The following POPDC3 variants were observed in gnomAD, a reference collection of about 807,000 sequenced individuals.
The protein encoded by POPDC3 is popeye domain-containing protein 3.
A neutral mutation model predicts 28.2 loss-of-function variants in POPDC3; 20 were observed. The ratio of observed to expected loss-of-function variants is 0.71; its 90% CI spans 0.50 to 1.03. The LOEUF (loss-of-function observed/expected upper bound fraction) is 1.03. POPDC3 is among the 50% of genes least tolerant of loss of function. The pLI is 0.00. For synonymous variants in POPDC3, 118 were observed against 124.1 expected, an observed-to-expected ratio of 0.95 and a Z score of 0.33; for missense variants, 316 against 345.9, an observed-to-expected ratio of 0.91 and a Z score of 0.69.
Position 105,158,006 on chromosome 6 carries a change from C to T in POPDC3, c.*464G>A, listed in dbSNP as rs1032243627. 1.7e-5 allele frequency among the ~76,000 whole-genome samples: 1 copy of T among 59,770 alleles called. No individual in the cohort carries two copies. Among genetic ancestry groups the T allele is most frequent in the Admixed American group, 2.5e-4 (1 of 4,064 alleles). The allele number at this position is 59,770 out of a possible 152,430, so 39.2% of individuals were successfully genotyped here. A position where few individuals can be genotyped will look rare whatever the true frequency, so the allele number is the denominator to read the frequency against. On this transcript the variant is annotated 3_prime_UTR_variant, in exon 4 of 4. Transcript: ENST00000254765. ...TTTTTAGTCGCATCAAGTAACTGCA[C>T]ATTTAAAATAAATAATTGCTTTCAC... is the stretch of plus-strand genomic sequence containing the variant.
At chr6:105,159,628 CTGT>C (rs1774274823) in intron 3 of POPDC3, 80 bp downstream of exon 3, 2 of 765,332 alleles carry the variant, frequency 2.6e-6, no homozygotes, top group Non-Finnish European at 2.2e-6. Flanking sequence ...GTCTTATCCA[CTGT>C]TGTTTATTTG....
intron 1 of POPDC3, among the ~76,000 whole-genome samples, chr6:105,165,054 C>A (rs1028045974): frequency 3.9e-5 from 6 of 152,220 alleles, no homozygotes; most frequent in Admixed American, 6.5e-5. Flanking sequence ...GTCCAGCTTA[C>A]AAATGAGAAA....
chr6:105,177,764 C>T (rs1774708495), intron 1 of POPDC3, among the ~76,000 whole-genome samples: 1 of 152,156 alleles, frequency 6.6e-6, no homozygotes, highest in African/African-American at 2.4e-5. Context: ...CTTCATGATC[C>T]CATCCTAGCC....
Position 105,162,070 on chromosome 6 carries a change from G to A in POPDC3, c.-161C>T, listed in dbSNP as rs184082157. ...TGCTGATTAAAGGCTTCGTGTGTAC[G>A]GATCTTGAAAAACTAAGAATCCCAT... On this transcript the variant is annotated 5_prime_UTR_variant, in exon 2 of 4. Coordinates refer to ENST00000254765, the MANE Select transcript of POPDC3 (RefSeq NM_022361.5). 18 of 1,378,422 alleles carry A rather than the reference G, an allele frequency of 1.3e-5. No homozygotes were observed. In the African/African-American group the frequency reaches 1.8e-4, roughly 13 times the overall value. 85.4% of individuals were successfully genotyped at this position (1,378,422 alleles called of 1,614,324 possible). A position where few individuals can be genotyped will look rare whatever the true frequency, so the allele number is the denominator to read the frequency against.
chr6:105,167,575 C>T (rs1168148280), intron 1 of POPDC3, among the ~76,000 whole-genome samples: 3 of 151,778 alleles, frequency 2.0e-5, no homozygotes, highest in Admixed American at 6.6e-5. Context: ...GGTGAGACCC[C>T]GTCTCTACTA....
intron 1 of POPDC3, chr6:105,166,838 T>G: frequency 3.2e-6 from 1 of 314,116 alleles, no homozygotes; most frequent in Non-Finnish European, 6.5e-6. Flanking sequence ...GGTTACATAT[T>G]CAAGCATTTA....
chr6:105,163,720 T>G (rs1184450954), intron 1 of POPDC3: 1 of 152,176 alleles, frequency 6.6e-6, no homozygotes, highest in East Asian at 1.9e-4. Flanking sequence ...ATTTTTCATC[T>G]TGGATAGTGA....
intron 1 of POPDC3, among the ~76,000 whole-genome samples, chr6:105,175,921 G>A (rs144261726): frequency 7.0e-4 from 106 of 152,196 alleles, no homozygotes; most frequent in African/African-American, 2.5e-3. Flanking sequence ...AGAGTGCCCA[G>A]TGCTCCATCC....
chr6:105,161,980 G>C lies in POPDC3; in HGVS notation c.-71C>G. 1 of 1,522,324 alleles carries C rather than the reference G, an allele frequency of 6.6e-7. No individual in the cohort carries two copies. The highest frequency in any genetic ancestry group is 2.3e-5 in the East Asian group (1 of 44,234). 94.3% of individuals were successfully genotyped at this position (1,522,324 alleles called of 1,614,324 possible). A position where few individuals can be genotyped will look rare whatever the true frequency, so the allele number is the denominator to read the frequency against. ...ACTGAAACAGGTAACTAAGTCCTTT[G>C]GTTCTCCATCATGAGAGTTTTGTGC... is the stretch of plus-strand genomic sequence containing the variant. On this transcript the variant is annotated 5_prime_UTR_variant, in exon 2 of 4. Coordinates refer to ENST00000254765, the MANE Select transcript of POPDC3 (RefSeq NM_022361.5).
At chr6:105,177,848 G>A (rs1562158928) in intron 1 of POPDC3, among the ~76,000 whole-genome samples, 1 of 152,208 alleles carries the variant, frequency 6.6e-6, no homozygotes. Flanking sequence ...CTCGCTAAAA[G>A]TCTGTGTGAA....
intron 1 of POPDC3, among the ~76,000 whole-genome samples, chr6:105,171,298 T>C (rs991016207): frequency 9.2e-5 from 14 of 152,226 alleles, no homozygotes; most frequent in African/African-American, 3.4e-4. Flanking sequence ...ATGCTTACTT[T>C]CAAAACATGC....
At chr6:105,176,503 C>G (rs1774684793) in intron 1 of POPDC3, among the ~76,000 whole-genome samples, 1 of 152,170 alleles carries the variant, frequency 6.6e-6, no homozygotes, top group Admixed American at 6.5e-5. Context: ...CTAATGGCCT[C>G]CTGCTTATTT....
intron 1 of POPDC3, among the ~76,000 whole-genome samples, chr6:105,164,725 G>C (rs920613690): frequency 2.0e-5 from 3 of 152,228 alleles, no homozygotes; most frequent in Non-Finnish European, 2.9e-5. Context: ...ACATGCCAAA[G>C]TGGCACAATG....
chr6:105,167,572 C>A (rs553076268), intron 1 of POPDC3, among the ~76,000 whole-genome samples: 1 of 151,986 alleles, frequency 6.6e-6, no homozygotes, highest in Non-Finnish European at 1.5e-5. Flanking sequence ...CATGGTGAGA[C>A]CCCGTCTCTA....
At chr6:105,171,687 A>AATT (rs978226448) in intron 1 of POPDC3, among the ~76,000 whole-genome samples, 2 of 148,128 alleles carry the variant, frequency 1.4e-5, no homozygotes, top group East Asian at 1.9e-4. Context: ...TAATAATAAT[A>AATT]ATTATTATTA....
Position 105,158,650 on chromosome 6 carries a change from T to G in POPDC3, c.696A>C (p.Ser232=). Reference sequence around the variant, plus strand: ...CTGCAATGTCACTGCCAATTAGCACTGAAAAAAGGCGGGAGATGTAGCGAT... The same window carrying G: ...CTGCAATGTCACTGCCAATTAGCACGGAAAAAAGGCGGGAGATGTAGCGAT... The part of the protein sequence containing the change: ...AQHRYISRLF[S]VLIGSDIADK... The change falls in exon 4 of 4, where the codon TCA becomes TCC. Residue 232 remains serine, a synonymous_variant. Coordinates refer to ENST00000254765, the MANE Select transcript of POPDC3 (RefSeq NM_022361.5). 1 of 1,614,094 alleles carries G rather than the reference T, an allele frequency of 6.2e-7. No homozygotes were observed. Among genetic ancestry groups the G allele is most frequent in the Non-Finnish European group, 8.5e-7 (1 of 1,179,990 alleles).
At chr6:105,164,332 T>C (rs1019615570) in intron 1 of POPDC3, among the ~76,000 whole-genome samples, 12 of 152,234 alleles carry the variant, frequency 7.9e-5, no homozygotes, top group South Asian at 2.1e-4. Context: ...GTAGGATATA[T>C]TGGGGCTTCT....
At chr6:105,166,339 G>A (rs1774454702) in intron 1 of POPDC3, among the ~76,000 whole-genome samples, 1 of 152,056 alleles carries the variant, frequency 6.6e-6, no homozygotes, top group Non-Finnish European at 1.5e-5. Flanking sequence ...TCCAGAGACT[G>A]TTACTTAACT....
Position 105,179,200 on chromosome 6 carries a change from T to G in POPDC3, c.-252+633A>C, listed in dbSNP as rs138482308. On this transcript the variant is annotated intron_variant, in intron 1 of 3. Coordinates refer to ENST00000254765, the MANE Select transcript of POPDC3 (RefSeq NM_022361.5). Reference sequence around the variant, plus strand: ...ATAAGACAATTTAGGGGTTGGCAAATTTCTTTTTTGGCAGGGGGATCCCCA... The same window carrying G: ...ATAAGACAATTTAGGGGTTGGCAAAGTTCTTTTTTGGCAGGGGGATCCCCA... The G allele has an allele frequency of 2.1e-3, 2,029 of 985,354 alleles. 4 individuals carry two copies. Among genetic ancestry groups the G allele is most frequent in the Non-Finnish European group, 2.3e-3 (1,915 of 829,916 alleles). The allele number at this position is 985,354 out of a possible 1,614,324, so 61.0% of individuals were successfully genotyped here.
Sources: gnomAD v4.1 joint callset for allele counts (sites outside exome capture counted in the v4.1 genomes callset) on GRCh38, gnomAD v4.1.1 for gene constraint, MANE v1.5 for transcripts, NCBI Gene and HGNC (gene_info 2026-07-23, HGNC 2026-07-21) for gene names.